Variants in NMNAT3 observed in about 807,000 individuals in gnomAD.
The protein encoded by NMNAT3 is nicotinamide/nicotinic acid mononucleotide adenylyltransferase 3.
Under a neutral mutation model 24.8 loss-of-function variants are expected in NMNAT3, and 21 were observed. The ratio of observed to expected loss-of-function variants is 0.85; its 90% CI spans 0.60 to 1.22. The LOEUF is 1.22. Ranked by LOEUF, NMNAT3 falls within the 50% of genes most tolerant of loss-of-function variation. The pLI is 0.00. For missense variants in NMNAT3, 387 were observed against 436.6 expected (o/e 0.89, Z 1.01); for synonymous variants, 136 against 155.2 (o/e 0.88, Z 0.92).
At chr3:139,581,316 A>C (rs947201626) in intron 4 of NMNAT3, among the ~76,000 whole-genome samples, 4 of 151,726 alleles carry the variant, frequency 2.6e-5, no homozygotes, top group Non-Finnish European at 4.4e-5. Flanking sequence ...TGTAATTTTC[A>C]TTAATTTTCT....
intron 3 of NMNAT3, among the ~76,000 whole-genome samples, chr3:139,603,269 G>A (rs1159813074): frequency 2.6e-5 from 4 of 152,198 alleles, no homozygotes; most frequent in African/African-American, 4.8e-5. Context: ...GGATCCCTCT[G>A]CTGGATGAGT....
In NMNAT3 at chr3:139,561,316, CG is replaced by C; in HGVS notation, c.734del (p.Ala245GlyfsTer6). ...ACTTCTCCACTATTTCCTGGATGTG[CG>C]CATCCTTCCAGAGGTTGGGGGTCTG... On this transcript the variant is annotated frameshift_variant, in exon 7 of 7. Coordinates refer to ENST00000643695, the MANE Select transcript of NMNAT3 (RefSeq NM_001320510.2). LOFTEE classifies it low-confidence loss of function (END_TRUNC). 1 of 1,614,006 alleles carries C rather than the reference CG, an allele frequency of 6.2e-7. No individual in the cohort carries two copies. Among genetic ancestry groups the C allele is most frequent in the Non-Finnish European group, 8.5e-7 (1 of 1,179,988 alleles).
chr3:139,571,454 G>T (rs1938316935), intron 6 of NMNAT3: 1 of 152,370 alleles, frequency 6.6e-6, no homozygotes, highest in South Asian at 2.1e-4. Context: ...GCTGGGAGCT[G>T]TAGACTGGAG....
chr3:139,596,916 G>GTGTATATATATATATATATA (rs1393197797), intron 3 of NMNAT3, among the ~76,000 whole-genome samples: 1 of 97,176 alleles, frequency 1.0e-5, no homozygotes, highest in Non-Finnish European at 2.1e-5. Context: ...TGTCATGTGT[G>GTGTATATATATATATATATA]TATATATATA....
rs1238074759 is a variant in NMNAT3 at position 139,583,187 on chromosome 3, T to A, written c.131A>T (p.Glu44Val). ...AGGTCCAGGAAAAACAAGTGCAACTTCATGGTCCTTTTCTTCATATTCTGG... is the reference window on the plus strand; with the variant it reads ...AGGTCCAGGAAAAACAAGTGCAACTACATGGTCCTTTTCTTCATATTCTGG... The change falls in exon 4 of 7, where the codon GAA becomes GTA. Residue 44 changes from glutamate to valine, a missense_variant. Glu to Val is a moderately radical substitution (Grantham distance 121). Around this residue, in one of 3 missense-constraint regions of NMNAT3, gnomAD observed 51 missense variants for 55.6 expected, o/e 0.92. Transcript: ENST00000643695. 2.4e-6 allele frequency: 3 copies of A among 1,227,238 alleles called. No homozygotes were observed. The highest frequency in any genetic ancestry group is 1.5e-5 in the African/African-American group (1 of 66,744). The allele number at this position is 1,227,238 out of a possible 1,614,324, so 76.0% of individuals were successfully genotyped here.
chr3:139,599,260 C>A, intron 3 of NMNAT3: 1 of 694,714 alleles, frequency 1.4e-6, no homozygotes, highest in South Asian at 1.5e-5. Flanking sequence ...GACGTGGCTG[C>A]TCTGTAGCAC....
intron 3 of NMNAT3, among the ~76,000 whole-genome samples, chr3:139,610,603 T>C (rs2055165256): frequency 6.6e-6 from 1 of 152,206 alleles, no homozygotes; most frequent in Non-Finnish European, 1.5e-5. Context: ...ATCACTATAT[T>C]TGATTAATAA....
chr3:139,611,934 G>T (rs2055236795), intron 3 of NMNAT3, among the ~76,000 whole-genome samples: 1 of 152,220 alleles, frequency 6.6e-6, no homozygotes, highest in Non-Finnish European at 1.5e-5. Context: ...TTGTGGGGCT[G>T]AGGCGGGCGG....
At chr3:139,660,232 A>G (rs914878132) in intron 1 of NMNAT3, among the ~76,000 whole-genome samples, 2 of 152,182 alleles carry the variant, frequency 1.3e-5, no homozygotes, top group African/African-American at 4.8e-5. Flanking sequence ...ATGACATCCT[A>G]TGGTCCACCG....
intron 3 of NMNAT3, among the ~76,000 whole-genome samples, chr3:139,602,305 C>T (rs567114405): frequency 6.6e-6 from 1 of 152,304 alleles, no homozygotes; most frequent in South Asian, 2.1e-4. Context: ...TTGAGGTTAA[C>T]AGCATTGTAT....
intron 1 of NMNAT3, among the ~76,000 whole-genome samples, chr3:139,659,806 C>T (rs1016231670): frequency 1.3e-5 from 2 of 152,228 alleles, no homozygotes; most frequent in Admixed American, 6.5e-5. Flanking sequence ...CTTTAAAACT[C>T]CCCAGGTGAT....
chr3:139,573,110 T>G (rs760049463), intron 6 of NMNAT3, among the ~76,000 whole-genome samples: 1 of 152,194 alleles, frequency 6.6e-6, no homozygotes, highest in African/African-American at 2.4e-5. Context: ...ACATCTAGGC[T>G]TACAAATTAA....
At chr3:139,622,178 G>T (rs759105546) in intron 3 of NMNAT3, among the ~76,000 whole-genome samples, 11 of 152,054 alleles carry the variant, frequency 7.2e-5, no homozygotes, top group Admixed American at 1.3e-4. Flanking sequence ...CATAATGGCT[G>T]TTCTAGTTTA....
chr3:139,627,688 C>T lies in NMNAT3; in HGVS notation c.37G>A (p.Gly13Ser). 6.3e-7 allele frequency: 1 copy of T among 1,596,420 alleles called. No individual in the cohort carries two copies. Among genetic ancestry groups the T allele is most frequent in the South Asian group, 1.1e-5 (1 of 90,790 alleles). Reference sequence around the variant, plus strand: ...ATGTTGGTGATGGGGTTAAAGGAGCCACAGGCCAGGAGCACCACAGGTATT... The same window carrying T: ...ATGTTGGTGATGGGGTTAAAGGAGCTACAGGCCAGGAGCACCACAGGTATT... Residue 13 changes from glycine (G) to serine (S), a missense_variant, in exon 3 of 7, where the codon GGC (glycine) becomes AGC (serine). Physicochemically the swap from Gly to Ser is moderately conservative, Grantham distance 56. Transcript: ENST00000643695.
chr3:139,575,305 C>T (rs1430017240), intron 5 of NMNAT3, among the ~76,000 whole-genome samples: 1 of 152,108 alleles, frequency 6.6e-6, no homozygotes, highest in Non-Finnish European at 1.5e-5. Flanking sequence ...TATCGTTTTA[C>T]TGCTTTGATT....
intron 3 of NMNAT3, among the ~76,000 whole-genome samples, chr3:139,612,383 A>T (rs1366453480): frequency 2.0e-5 from 3 of 152,194 alleles, no homozygotes; most frequent in Non-Finnish European, 4.4e-5. Context: ...AGCAACAGCC[A>T]TGAATACAGA....
intron 3 of NMNAT3, among the ~76,000 whole-genome samples, chr3:139,624,275 G>A (rs895033818): frequency 1.3e-5 from 2 of 151,744 alleles, no homozygotes; most frequent in African/African-American, 4.8e-5. Context: ...AGTTCAAAAT[G>A]TTTTCTAATT....
chr3:139,653,990 C>T (rs928940079), intron 1 of NMNAT3, among the ~76,000 whole-genome samples: 1 of 152,214 alleles, frequency 6.6e-6, no homozygotes, highest in Non-Finnish European at 1.5e-5. Context: ...CTGCTCCCCC[C>T]TCTTGTCCCT....
At chr3:139,605,134 T>C (rs1377591716) in intron 3 of NMNAT3, among the ~76,000 whole-genome samples, 2 of 152,166 alleles carry the variant, frequency 1.3e-5, no homozygotes, top group Non-Finnish European at 1.5e-5. Flanking sequence ...CATCCACCGA[T>C]AGCAAGACCC....
Sources: allele counts gnomAD v4.1 joint callset (sites outside exome capture counted in the v4.1 genomes callset), GRCh38; gene constraint gnomAD v4.1.1; regional missense constraint gnomAD v4.1.1; transcripts MANE v1.5; gene names NCBI Gene and HGNC (gene_info 2026-07-23, HGNC 2026-07-21).